Variants in DLG5 observed in about 807,000 individuals in gnomAD.
The protein encoded by DLG5 is discs large MAGUK scaffold protein 5, also known as disks large homolog 5.
DLG5 carries 48 observed loss-of-function variants against 189.8 expected under a neutral mutation model. The observed-to-expected ratio is 0.25, with a 90% CI of 0.20 to 0.32. The LOEUF is 0.32. Among genes scored for constraint, DLG5 ranks in the 10% least tolerant of loss-of-function variants. The probability of loss-of-function intolerance (pLI) is 1.00; values close to 1 mark genes in which losing one functional copy is unlikely to be tolerated. For missense variants in DLG5, 2,160 were observed against 2,544.7 expected (o/e 0.85, Z 3.25); for synonymous variants, 1,016 against 1,054.1 (o/e 0.96, Z 0.70).
intron 1 of DLG5, among the ~76,000 whole-genome samples, chr10:77,875,567 G>A (rs895933127): frequency 5.3e-5 from 8 of 152,230 alleles, no homozygotes; most frequent in African/African-American, 1.9e-4. Context: ...GCTGCCTGCA[G>A]AGGGGAGTCG....
At chr10:77,917,433 T>C (rs1446773468) in intron 1 of DLG5, among the ~76,000 whole-genome samples, 1 of 151,358 alleles carries the variant, frequency 6.6e-6, no homozygotes, top group Non-Finnish European at 1.5e-5. Flanking sequence ...GGAGGATCAA[T>C]TGAGCATGGG....
chr10:77,935,007 G>A, the DLG5 span, among the ~76,000 whole-genome samples: 7 of 152,072 alleles, frequency 4.6e-5, no homozygotes, highest in Admixed American at 2.0e-4. Flanking sequence ...ACAGGCGCCC[G>A]CCACCACACC....
intron 1 of DLG5, among the ~76,000 whole-genome samples, chr10:77,904,840 T>C (rs553456132): frequency 7.9e-5 from 12 of 152,054 alleles, no homozygotes; most frequent in Non-Finnish European, 1.3e-4. Flanking sequence ...TAAAATCTCC[T>C]GGCTCCGGCC....
intron 20 of DLG5, chr10:77,816,007 T>C: frequency 2.4e-6 from 1 of 416,142 alleles, no homozygotes; most frequent in South Asian, 1.7e-5. Flanking sequence ...CCAGTACCAG[T>C]AAAAAGCTAG....
At chr10:77,836,363 G>A (rs908889109) in intron 7 of DLG5, among the ~76,000 whole-genome samples, 1 of 152,046 alleles carries the variant, frequency 6.6e-6, no homozygotes, top group African/African-American at 2.4e-5. Flanking sequence ...ACAACACAGG[G>A]AAATGACGGA....
intron 1 of DLG5, among the ~76,000 whole-genome samples, chr10:77,918,734 A>T (rs1273813597): frequency 1.3e-5 from 2 of 152,240 alleles, no homozygotes; most frequent in East Asian, 3.9e-4. Context: ...GCGCAATCCC[A>T]TTTAAGATTC....
chr10:77,802,730 T>C lies in DLG5; in HGVS notation c.5164+2935A>G, dbSNP rs963396022. Among the ~76,000 whole-genome samples, 16 of 152,218 alleles carry C rather than the reference T, an allele frequency of 1.1e-4. No homozygotes were observed. The East Asian group carries it at 3.1e-3, about 29-fold the overall frequency. On this transcript the variant is annotated intron_variant, in intron 27 of 31. Coordinates refer to ENST00000372391, the MANE Select transcript of DLG5 (RefSeq NM_004747.4). ...GCCTGGCCAACATGGTGAAACCCCG[T>C]CTTTACTAAAAATACAAAAATTAGC...
intron 5 of DLG5, among the ~76,000 whole-genome samples, chr10:77,849,648 C>T (rs909846837): frequency 2.0e-5 from 3 of 152,182 alleles, no homozygotes; most frequent in African/African-American, 7.2e-5. Flanking sequence ...CTGCCAAGGA[C>T]CACAACGGTA....
At chr10:77,905,190 G>A (rs907579080) in intron 1 of DLG5, among the ~76,000 whole-genome samples, 1 of 151,514 alleles carries the variant, frequency 6.6e-6, no homozygotes, top group Non-Finnish European at 1.5e-5. Flanking sequence ...TCATAGAGAT[G>A]AGTTGTCACT....
intron 13 of DLG5, 112 bp from the exon 14 acceptor site, chr10:77,824,588 GCC>G: frequency 4.9e-6 from 4 of 809,060 alleles, no homozygotes; most frequent in Non-Finnish European, 7.9e-6. Flanking sequence ...AATGCAAGGT[GCC>G]AAAGTCAGGA....
Position 77,926,234 on chromosome 10 carries a change from T to TGCGGCGGCCC in DLG5, c.277_286dup (p.Gln96ArgfsTer47). On this transcript the variant is annotated frameshift_variant, in exon 1 of 32. Coordinates refer to ENST00000372391, the MANE Select transcript of DLG5 (RefSeq NM_004747.4). LOFTEE classifies it high-confidence loss of function. This position sits in a 1 kb window ranked among gnomAD's most constrained non-coding sequence, Gnocchi z 5.2. Reference sequence around the variant, plus strand: ...CCACTCACCCGCGCCTTCGGCGGGCTGCGGCGGCCCGACGACGCCGTTCAG... The same window carrying TGCGGCGGCCC: ...CCACTCACCCGCGCCTTCGGCGGGCTGCGGCGGCCCGCGGCGGCCCGACGACGCCGTTCAG... The TGCGGCGGCCC allele has an allele frequency of 6.6e-7, 1 of 1,511,060 alleles. No individual in the cohort carries two copies. The highest frequency in any genetic ancestry group is 8.9e-7 in the Non-Finnish European group (1 of 1,128,428). 93.6% of individuals were successfully genotyped at this position (1,511,060 alleles called of 1,614,324 possible). A position where few individuals can be genotyped will look rare whatever the true frequency, so the allele number is the denominator to read the frequency against.
At chr10:77,816,014 C>T (rs900911320) in intron 20 of DLG5, 7 of 425,096 alleles carry the variant, frequency 1.6e-5, no homozygotes, top group African/African-American at 1.2e-4. Context: ...CAGTAAAAAG[C>T]TAGGCTGCAC....
At chr10:77,860,254 C>G (rs141778597) in intron 2 of DLG5, among the ~76,000 whole-genome samples, 8 of 152,314 alleles carry the variant, frequency 5.3e-5, no homozygotes, top group Admixed American at 2.0e-4. Context: ...ATAACAACCA[C>G]CAGTAGCACA....
chr10:77,862,812 C>A (rs567527503), intron 2 of DLG5, among the ~76,000 whole-genome samples: 4 of 152,228 alleles, frequency 2.6e-5, no homozygotes, highest in African/African-American at 9.6e-5. Context: ...TCAAAAGAAG[C>A]CTGACTCTAA....
At chr10:77,819,736 G>T in intron 16 of DLG5, 159 bp downstream of exon 16, 1 of 1,291,212 alleles carries the variant, frequency 7.7e-7, no homozygotes, top group Non-Finnish European at 1.1e-6. Flanking sequence ...ATGGCTATAA[G>T]ACAAACCATC....
intron 1 of DLG5, among the ~76,000 whole-genome samples, chr10:77,921,512 C>T (rs760283690): frequency 6.6e-6 from 1 of 152,236 alleles, no homozygotes; most frequent in Non-Finnish European, 1.5e-5. Flanking sequence ...TCCCACTCAG[C>T]CTAGCCATTA....
At chr10:77,868,919 T>C in intron 2 of DLG5, 1 of 567,302 alleles carries the variant, frequency 1.8e-6, no homozygotes, top group Admixed American at 3.3e-5. Context: ...GCAAAACATG[T>C]GCTTCCCAGC....
chr10:77,824,573 CA>C, intron 13 of DLG5, 97 bp from the exon 14 acceptor site: 1 of 953,274 alleles, frequency 1.0e-6, no homozygotes. Context: ...GCTAGACAGT[CA>C]CCAAATGCAA....
chr10:77,794,710 C>T, intron 30 of DLG5, 139 bp downstream of exon 30: 1 of 649,316 alleles, frequency 1.5e-6, no homozygotes, highest in South Asian at 1.9e-5. Context: ...TCATTTTCTA[C>T]ACGTACTGCC....
Sources: allele counts gnomAD v4.1 joint callset (sites outside exome capture counted in the v4.1 genomes callset), GRCh38; gene constraint gnomAD v4.1.1; non-coding constraint Gnocchi (gnomAD v3.1); transcripts MANE v1.5; gene names NCBI Gene and HGNC (gene_info 2026-07-23, HGNC 2026-07-21).